The following PRKCA variants were observed in gnomAD, a reference collection of about 807,000 sequenced individuals.
PRKCA encodes the protein protein kinase C alpha type.
In PRKCA, 27 loss-of-function variants were observed where a neutral mutation model predicts 87.0. The observed-to-expected ratio is 0.31, with a 90% CI of 0.23 to 0.43. The LOEUF (loss-of-function observed/expected upper bound fraction) is 0.43. Among genes scored for constraint, PRKCA ranks in the 20% least tolerant of loss-of-function variants. The pLI is 1.00. For missense variants in PRKCA, 518 were observed against 852.3 expected (o/e 0.61, Z 4.88); for synonymous variants, 329 against 311.1 (o/e 1.06, Z -0.61).
chr17:66,340,971 T>C, intron 2 of PRKCA, among the ~76,000 whole-genome samples: 1 of 152,156 alleles, frequency 6.6e-6, no homozygotes, highest in Non-Finnish European at 1.5e-5. Context: ...GTGGGGCCAG[T>C]TGAGTCCTTA....
intron 5 of PRKCA, among the ~76,000 whole-genome samples, chr17:66,684,490 G>A (rs772169570): frequency 3.9e-5 from 6 of 152,208 alleles, no homozygotes; most frequent in African/African-American, 4.8e-5. Flanking sequence ...CACTCACACA[G>A]GCTGTTCTCT....
At chr17:66,448,916 C>CT (rs1274791323) in intron 2 of PRKCA, among the ~76,000 whole-genome samples, 14 of 147,876 alleles carry the variant, frequency 9.5e-5, no homozygotes, top group African/African-American at 1.8e-4. Flanking sequence ...TCTTGCTCAA[C>CT]TTTTTTTTGT....
intron 5 of PRKCA, among the ~76,000 whole-genome samples, chr17:66,653,791 T>TAAA (rs550316151): frequency 0.065 from 6,629 of 101,498 alleles, 238 homozygotes; most frequent in African/African-American, 0.081. Flanking sequence ...TTCCAGCTCT[T>TAAA]AAAAAAAAAA....
At chr17:66,417,187 A>G (rs528888522) in intron 2 of PRKCA, among the ~76,000 whole-genome samples, 30 of 151,646 alleles carry the variant, frequency 2.0e-4, no homozygotes, top group African/African-American at 7.2e-4. Context: ...GGTGTGAGCC[A>G]CCGTGCCCAG....
intron 1 of PRKCA, 45 bp downstream of exon 1, chr17:66,303,069 C>T (rs1163833576): frequency 6.3e-6 from 10 of 1,580,102 alleles, no homozygotes; most frequent in African/African-American, 2.8e-5. Context: ...TCCCCGCCTC[C>T]GGGTCCCGGC....
At chr17:66,687,855 T>A (rs1447420176) in intron 6 of PRKCA, among the ~76,000 whole-genome samples, 1 of 152,122 alleles carries the variant, frequency 6.6e-6, no homozygotes, top group East Asian at 1.9e-4. Flanking sequence ...AAGCAAGAGT[T>A]CCCCTTTGTA....
intron 2 of PRKCA, among the ~76,000 whole-genome samples, chr17:66,443,482 T>G (rs1034033801): frequency 6.6e-6 from 1 of 151,834 alleles, no homozygotes; most frequent in African/African-American, 2.4e-5. Flanking sequence ...CCCATGAGAG[T>G]TTATGGAAGA....
intron 5 of PRKCA, among the ~76,000 whole-genome samples, chr17:66,671,024 A>G (rs752477629): frequency 1.1e-4 from 16 of 151,612 alleles, no homozygotes; most frequent in East Asian, 1.9e-4. Context: ...AGTCTGGCCA[A>G]CCTAGCAAAA....
chr17:66,423,745 A>C lies in PRKCA; in HGVS notation c.206-72456A>C, dbSNP rs1912623669. 3.3e-5 allele frequency among the ~76,000 whole-genome samples: 5 copies of C among 152,188 alleles called. No individual in the cohort carries two copies. The South Asian group carries it at 1.0e-3, about 32-fold the overall frequency. ...CCATGCAGTAAAAAATATTTAAAGC[A>C]CACTTATAGTTCTAGAACTTTGCAT... On this transcript the variant is annotated intron_variant, in intron 2 of 16. Coordinates refer to ENST00000413366, the MANE Select transcript of PRKCA (RefSeq NM_002737.3).
At chr17:66,783,222 CTAA>C (rs1975284527) in intron 14 of PRKCA, among the ~76,000 whole-genome samples, 1 of 152,292 alleles carries the variant, frequency 6.6e-6, no homozygotes, top group African/African-American at 2.4e-5. Context: ...CCAGGCAAGC[CTAA>C]GAGGCCTCTG....
At chr17:66,773,145 C>CT (rs1050432273) in intron 13 of PRKCA, among the ~76,000 whole-genome samples, 2 of 152,062 alleles carry the variant, frequency 1.3e-5, no homozygotes, top group Non-Finnish European at 2.9e-5. Context: ...AACATGTTTT[C>CT]TAACTAGTCA....
At position 66,774,003 on chromosome 17, in the gene PRKCA, C is replaced by T. The variant is rs779586057; in HGVS notation, c.1541C>T (p.Pro514Leu). ...YIAPEIIAYQ[P>L]YGKSVDWWAY... ...TTCACACAGATAATCGCTTATCAGC[C>T]GTATGGAAAATCTGTGGACTGGTGG... The change falls in exon 14 of 17, where the codon CCG (proline) becomes CTG (leucine). Residue 514 changes from proline (P) to leucine (L), a missense_variant. By Grantham distance (98) the Pro-to-Leu change is moderately conservative. This residue lies in a region of PRKCA where 159 missense variants were observed against 232.4 expected (regional missense o/e 0.68). Coordinates refer to ENST00000413366, the MANE Select transcript of PRKCA (RefSeq NM_002737.3). 35 of 1,613,744 alleles carry T rather than the reference C, an allele frequency of 2.2e-5. No individual in the cohort carries two copies. Among genetic ancestry groups the T allele is most frequent in the Non-Finnish European group, 2.3e-5 (27 of 1,179,900 alleles).
chr17:66,356,918 A>G (rs113424492), intron 2 of PRKCA, among the ~76,000 whole-genome samples: 4 of 152,032 alleles, frequency 2.6e-5, no homozygotes, highest in African/African-American at 9.6e-5. Context: ...ATGCCCTGCT[A>G]TTTATTGATT....
At chr17:66,585,806 G>T (rs915920973) in intron 3 of PRKCA, among the ~76,000 whole-genome samples, 2 of 152,230 alleles carry the variant, frequency 1.3e-5, no homozygotes, top group African/African-American at 4.8e-5. Context: ...GAAGGTGACG[G>T]TGTCTACCCC....
intron 11 of PRKCA, 128 bp downstream of exon 11, chr17:66,738,983 G>A (rs1974099598): frequency 2.9e-6 from 2 of 697,574 alleles, no homozygotes; most frequent in Non-Finnish European, 4.9e-6. Flanking sequence ...CCCAGGCTCG[G>A]GTGATTCTCC....
chr17:66,612,771 G>C (rs1598814037), intron 3 of PRKCA, among the ~76,000 whole-genome samples: 2 of 151,612 alleles, frequency 1.3e-5, no homozygotes, highest in African/African-American at 4.8e-5. Context: ...GGAAACTCAA[G>C]AGATAAGTAC....
intron 2 of PRKCA, among the ~76,000 whole-genome samples, chr17:66,445,457 G>A (rs1236811053): frequency 1.3e-5 from 2 of 152,212 alleles, no homozygotes; most frequent in South Asian, 2.1e-4. Context: ...TTCCTAATGA[G>A]CAATAAGGAG....
At chr17:66,434,636 C>T (rs1913274994) in intron 2 of PRKCA, among the ~76,000 whole-genome samples, 1 of 92,354 alleles carries the variant, frequency 1.1e-5, no homozygotes, top group South Asian at 6.2e-4. Context: ...GTAGCTGCTT[C>T]TTTGTTCCTA....
At chr17:66,596,103 A>G (rs1480766025) in intron 3 of PRKCA, among the ~76,000 whole-genome samples, 3 of 152,162 alleles carry the variant, frequency 2.0e-5, no homozygotes, top group Non-Finnish European at 4.4e-5. Context: ...TGTCAGCAAC[A>G]CTTCTTTCCG....
Sources: gnomAD v4.1 joint callset for allele counts (sites outside exome capture counted in the v4.1 genomes callset) on GRCh38, gnomAD v4.1.1 for gene constraint, gnomAD v4.1.1 regional missense constraint, MANE v1.5 for transcripts, NCBI Gene and HGNC (gene_info 2026-07-23, HGNC 2026-07-21) for gene names.